The following RUFY2 variants were observed in gnomAD, a reference collection of about 807,000 sequenced individuals.
The protein encoded by RUFY2 is RUN and FYVE domain containing 2, also known as RUN and FYVE domain-containing protein 2.
RUFY2 carries 49 observed loss-of-function variants against 94.4 expected under a neutral mutation model. That is an observed-to-expected ratio of 0.52 (90% CI 0.41 to 0.66). The LOEUF (loss-of-function observed/expected upper bound fraction) is 0.66. RUFY2 is among the 30% of genes least tolerant of loss of function. RUFY2 has a pLI of 0.00. For missense variants in RUFY2, 541 were observed against 692.8 expected, an observed-to-expected ratio of 0.78 and a Z score of 2.46; for synonymous variants, 255 against 235.7, an observed-to-expected ratio of 1.08 and a Z score of -0.75.
In RUFY2 at chr10:68,381,408, T is replaced by A; in HGVS notation, c.940-9A>T. The A allele has an allele frequency of 2.5e-6, 4 of 1,604,502 alleles. No individual in the cohort carries two copies. Among genetic ancestry groups the A allele is most frequent in the South Asian group, 2.3e-5 (2 of 88,526 alleles). On this transcript the variant is annotated splice_polypyrimidine_tract_variant and intron_variant, in intron 10 of 17. Coordinates refer to ENST00000602465, the MANE Select transcript of RUFY2 (RefSeq NM_001330103.2). ...AGCTCATTCTCTACATCCTGCAATT[T>A]CAATGTATCCTCAATTCACATGCCA...
intron 6 of RUFY2, chr10:68,393,832 G>T: frequency 1.6e-6 from 1 of 628,658 alleles, no homozygotes; most frequent in Non-Finnish European, 2.3e-6. Flanking sequence ...TATTAAAATG[G>T]GTCTCAGTAA....
In RUFY2 at chr10:68,345,627, A is replaced by G. The variant is rs1193834744; in HGVS notation, c.*141T>C. 2 of 646,518 alleles carry G rather than the reference A, an allele frequency of 3.1e-6. No homozygotes were observed. The highest frequency in any genetic ancestry group is 5.6e-5 in the East Asian group (2 of 35,858). 40.0% of individuals were successfully genotyped at this position (646,518 alleles called of 1,614,324 possible). A position where few individuals can be genotyped will look rare whatever the true frequency, so the allele number is the denominator to read the frequency against. ...AGGAAATATATAACTTGTAATTTCCATGAGCTGAATATGTAGAAGATAAAC... is the reference window on the plus strand; with the variant it reads ...AGGAAATATATAACTTGTAATTTCCGTGAGCTGAATATGTAGAAGATAAAC... On this transcript the variant is annotated 3_prime_UTR_variant, in exon 18 of 18. Coordinates refer to ENST00000602465, the MANE Select transcript of RUFY2 (RefSeq NM_001330103.2).
chr10:68,346,098 AAT>A lies in RUFY2; in HGVS notation c.1600-16_1600-15del, dbSNP rs2046252426. 6.3e-7 allele frequency: 1 copy of A among 1,591,534 alleles called. No individual in the cohort carries two copies. Among genetic ancestry groups the A allele is most frequent in the Admixed American group, 1.8e-5 (1 of 56,784 alleles). ...CCAAACCAGTCCCTAGTAGGAAGAA[AAT>A]ATTAATGCTCAAATTGGTAACACTA... is the stretch of plus-strand genomic sequence containing the variant. On this transcript the variant is annotated splice_polypyrimidine_tract_variant and intron_variant, in intron 16 of 17. Transcript: ENST00000602465.
chr10:68,348,342 C>CA (rs143688595), intron 16 of RUFY2, among the ~76,000 whole-genome samples: 6,155 of 148,330 alleles, frequency 0.041, 392 homozygotes, highest in African/African-American at 0.14. Flanking sequence ...CCCATCTCTA[C>CA]AAAAAAAAAT....
In RUFY2 at chr10:68,352,754, C is replaced by G. The variant is rs549053108; in HGVS notation, c.1599+2599G>C. Among the ~76,000 whole-genome samples, 56 of 151,674 alleles carry G rather than the reference C, an allele frequency of 3.7e-4. 1 individual carries two copies. The highest frequency in any genetic ancestry group is 1.3e-3 in the African/African-American group (54 of 41,370). ...GACAAGCCTAGTCAATATGGTGAAACCCCATCTCTACTAAAAATATAAAAA... is the reference window on the plus strand; with the variant it reads ...GACAAGCCTAGTCAATATGGTGAAAGCCCATCTCTACTAAAAATATAAAAA... On this transcript the variant is annotated intron_variant, in intron 16 of 17. Coordinates refer to ENST00000602465, the MANE Select transcript of RUFY2 (RefSeq NM_001330103.2).
intron 13 of RUFY2, among the ~76,000 whole-genome samples, chr10:68,376,489 T>TATATATATACATATATATATTC (rs58358117): frequency 1.9e-5 from 1 of 51,840 alleles, no homozygotes; most frequent in Admixed American, 2.8e-4. Context: ...TATATATATA[T>TATATATATACATATATATATTC]ATTCTCAGAA....
chr10:68,403,126 A>G (rs1471006091), intron 2 of RUFY2, among the ~76,000 whole-genome samples: 2 of 150,880 alleles, frequency 1.3e-5, no homozygotes, highest in East Asian at 2.0e-4. Flanking sequence ...GATTACAGAC[A>G]TGAGCCATCG....
chr10:68,402,288 T>C (rs772434886), intron 2 of RUFY2, among the ~76,000 whole-genome samples: 2 of 152,090 alleles, frequency 1.3e-5, no homozygotes, highest in Admixed American at 6.6e-5. Flanking sequence ...ATTTTAAATA[T>C]GAAAAATTGT....
chr10:68,366,330 C>CAAA (rs374353912), intron 13 of RUFY2, among the ~76,000 whole-genome samples: 50 of 54,816 alleles, frequency 9.1e-4, no homozygotes, highest in South Asian at 1.5e-3. Context: ...AACTCCATCT[C>CAAA]AAAAAAAAAA....
At chr10:68,382,700 C>T (rs902128082) in intron 10 of RUFY2, among the ~76,000 whole-genome samples, 10 of 135,914 alleles carry the variant, frequency 7.4e-5, no homozygotes, top group African/African-American at 1.1e-4. Context: ...GGCAACAGAG[C>T]GAGACTCTAT....
chr10:68,406,951 G>A (rs1249278067), intron 1 of RUFY2: 2 of 1,550,822 alleles, frequency 1.3e-6, no homozygotes, highest in Non-Finnish European at 1.7e-6. Context: ...TCGAGCCCTC[G>A]GCCACTATGC....
At chr10:68,360,072 C>T (rs937060864) in intron 15 of RUFY2, among the ~76,000 whole-genome samples, 8 of 152,062 alleles carry the variant, frequency 5.3e-5, no homozygotes, top group Non-Finnish European at 1.0e-4. Flanking sequence ...GTGATCCGCC[C>T]GCCTCAGCTT....
chr10:68,366,148 G>C (rs758805960), intron 13 of RUFY2, among the ~76,000 whole-genome samples: 1 of 151,854 alleles, frequency 6.6e-6, no homozygotes, highest in Admixed American at 6.6e-5. Flanking sequence ...CCAACATGGT[G>C]AAACCCCATC....
intron 15 of RUFY2, among the ~76,000 whole-genome samples, chr10:68,363,059 A>G (rs1192413967): frequency 6.6e-6 from 1 of 152,264 alleles, no homozygotes; most frequent in African/African-American, 2.4e-5. Context: ...AAATTGAACA[A>G]GAGTGTTAGC....
intron 3 of RUFY2, among the ~76,000 whole-genome samples, chr10:68,398,307 A>T (rs1047178843): frequency 6.6e-6 from 1 of 152,132 alleles, no homozygotes; most frequent in Non-Finnish European, 1.5e-5. Flanking sequence ...ATTTGGTTGC[A>T]TTTAAGAAAT....
At chr10:68,370,537 C>T (rs1039740592) in intron 13 of RUFY2, among the ~76,000 whole-genome samples, 4 of 146,806 alleles carry the variant, frequency 2.7e-5, no homozygotes, top group Admixed American at 1.4e-4. Flanking sequence ...GTCCTAGCTA[C>T]TCAGGAAGCT....
chr10:68,377,633 C>G, intron 12 of RUFY2: 1 of 985,312 alleles, frequency 1.0e-6, no homozygotes, highest in Non-Finnish European at 1.2e-6. Flanking sequence ...TAAAAATTAG[C>G]TAAAACATTG....
intron 1 of RUFY2, 79 bp downstream of exon 1, chr10:68,407,107 T>C: frequency 1.3e-6 from 2 of 1,514,506 alleles, no homozygotes; most frequent in Non-Finnish European, 8.8e-7. Flanking sequence ...CTCCCCCAGC[T>C]CCCAGTCCAC....
chr10:68,383,674 AG>A, intron 10 of RUFY2, 123 bp downstream of exon 10: 1 of 702,514 alleles, frequency 1.4e-6, no homozygotes, highest in Non-Finnish European at 2.5e-6. Flanking sequence ...GAGAAGATTA[AG>A]GGGTGAGCTT....
Sources: allele counts gnomAD v4.1 joint callset (sites outside exome capture counted in the v4.1 genomes callset), GRCh38; gene constraint gnomAD v4.1.1; transcripts MANE v1.5; gene names NCBI Gene and HGNC (gene_info 2026-07-23, HGNC 2026-07-21).